Variants in C5orf47 observed in about 807,000 individuals in gnomAD.
C5orf47 encodes uncharacterized protein C5orf47.
A neutral mutation model predicts 20.6 loss-of-function variants in C5orf47; 20 were observed. That is an observed-to-expected ratio of 0.97 (90% CI 0.68 to 1.41). The LOEUF is 1.41. C5orf47 is among the 40% of genes most tolerant of loss of function. The pLI, the probability that C5orf47 is intolerant of heterozygous loss-of-function variation, is 0.00. For missense variants in C5orf47, 262 were observed against 238.4 expected (o/e 1.10, Z -0.65); for synonymous variants, 106 against 97.3 (o/e 1.09, Z -0.53).
At chr5:173,996,102 C>A (rs1759093028) in intron 1 of C5orf47, among the ~76,000 whole-genome samples, 1 of 152,156 alleles carries the variant, frequency 6.6e-6, no homozygotes, top group African/African-American at 2.4e-5. Context: ...ATGAGAGAAT[C>A]AGGGAAGGCT....
chr5:173,989,678 A>G (rs1373793803), intron 1 of C5orf47, 90 bp downstream of exon 1: 21 of 1,167,204 alleles, frequency 1.8e-5, no homozygotes, highest in Admixed American at 4.1e-5. Flanking sequence ...TGCGGCACGC[A>G]GGAGGCTGGG....
chr5:174,001,036 T>C (rs1407502387), intron 3 of C5orf47, among the ~76,000 whole-genome samples, 160 bp from the exon 4 acceptor site: 1 of 152,222 alleles, frequency 6.6e-6, no homozygotes, highest in Non-Finnish European at 1.5e-5. Context: ...TTCATTATTT[T>C]ACATTACAGT....
At chr5:174,006,414 A>G (rs143441358), downstream of C5orf47, among the ~76,000 whole-genome samples, 106 of 152,340 alleles carry the variant, frequency 7.0e-4, 1 homozygote, top group East Asian at 0.019. Flanking sequence ...AGAAGCGTCA[A>G]TACTTCAAAA....
At position 173,989,488 on chromosome 5, in the gene C5orf47, CAGG is replaced by C. The variant is rs1561645270; in HGVS notation, c.226_228del (p.Arg76del). 6.5e-7 allele frequency: 1 copy of C among 1,547,590 alleles called. No individual in the cohort carries two copies. Among genetic ancestry groups the C allele is most frequent in the East Asian group, 2.5e-5 (1 of 40,796 alleles). On this transcript the variant is annotated inframe_deletion, in exon 1 of 5. Coordinates refer to ENST00000340147, the MANE Select transcript of C5orf47 (RefSeq NM_001144954.2). The stretch of plus-strand genomic sequence containing the variant: ...GCGAGCTGCCCCTCGGTTCCCAGCT[CAGG>C]GTCCCCACGACCCCTGGTGTGGAGG...
chr5:173,994,726 G>A (rs1014118050), intron 1 of C5orf47, among the ~76,000 whole-genome samples: 1 of 152,216 alleles, frequency 6.6e-6, no homozygotes, highest in South Asian at 2.1e-4. Flanking sequence ...GTCAAGGGAA[G>A]GGGGTCCTGG....
intron 1 of C5orf47, among the ~76,000 whole-genome samples, chr5:173,994,128 A>G (rs546548495): frequency 2.6e-5 from 4 of 152,270 alleles, no homozygotes; most frequent in African/African-American, 7.2e-5. Context: ...TTGTGGCCCA[A>G]TTTGTGCAAC....
chr5:174,000,598 G>T (rs550673485), intron 3 of C5orf47, among the ~76,000 whole-genome samples: 2 of 151,966 alleles, frequency 1.3e-5, no homozygotes, highest in East Asian at 3.8e-4. Context: ...CAGTAAAATT[G>T]CAGTATTTAA....
intron 1 of C5orf47, among the ~76,000 whole-genome samples, chr5:173,997,605 C>G (rs762696496): frequency 2.6e-5 from 4 of 152,042 alleles, no homozygotes; most frequent in Non-Finnish European, 4.4e-5. Context: ...AAGGTGTTCT[C>G]AGATCCATGC....
intron 4 of C5orf47, among the ~76,000 whole-genome samples, chr5:174,002,725 A>G (rs1227922058): frequency 6.6e-6 from 1 of 152,036 alleles, no homozygotes; most frequent in Non-Finnish European, 1.5e-5. Flanking sequence ...TATAGCCTAC[A>G]TTTCACTTTT....
intron 1 of C5orf47, among the ~76,000 whole-genome samples, chr5:173,997,798 G>C (rs1459692057): frequency 1.3e-5 from 2 of 152,156 alleles, no homozygotes; most frequent in South Asian, 2.1e-4. Flanking sequence ...TGTAATGTCT[G>C]TCTGGAGTTG....
chr5:174,008,184 C>A (rs1241962283), downstream of C5orf47, among the ~76,000 whole-genome samples: 7 of 152,188 alleles, frequency 4.6e-5, no homozygotes, highest in African/African-American at 1.4e-4. Flanking sequence ...CTGCTCAAAT[C>A]TTGATTCCCT....
chr5:173,989,672 G>GCA, intron 1 of C5orf47, 84 bp downstream of exon 1: 1 of 1,183,480 alleles, frequency 8.4e-7, no homozygotes. Context: ...CCATCTTGCG[G>GCA]CACGCAGGAG....
intron 2 of C5orf47, among the ~76,000 whole-genome samples, chr5:173,999,114 C>A (rs1048511376): frequency 1.3e-5 from 2 of 151,944 alleles, no homozygotes; most frequent in Non-Finnish European, 2.9e-5. Flanking sequence ...TCTTATAATC[C>A]AATGTATGAA....
downstream of C5orf47, among the ~76,000 whole-genome samples, chr5:174,009,292 A>G (rs1759337466): frequency 6.8e-6 from 1 of 146,192 alleles, no homozygotes; most frequent in South Asian, 2.1e-4. Flanking sequence ...TGATTTTGCC[A>G]TCCTTCATCA....
At chr5:173,990,125 A>ATTTT (rs11292600) in intron 1 of C5orf47, among the ~76,000 whole-genome samples, 5 of 138,216 alleles carry the variant, frequency 3.6e-5, no homozygotes, top group Admixed American at 2.1e-4. Context: ...TAGGAAGCCA[A>ATTTT]TTTTTTTTTT....
chr5:173,992,492 T>A (rs1474874045), intron 1 of C5orf47, among the ~76,000 whole-genome samples: 2 of 152,176 alleles, frequency 1.3e-5, no homozygotes, highest in African/African-American at 2.4e-5. Flanking sequence ...CTTTTAATAT[T>A]ATTATTTCTT....
Position 173,999,754 on chromosome 5 carries a change from G to C in C5orf47, c.466G>C (p.Glu156Gln). The change falls in exon 3 of 5, where the codon GAA (glutamate) becomes CAA (glutamine). Residue 156 changes from glutamate (E) to glutamine (Q), a missense_variant. Transcript: ENST00000340147. ...KVISRMLEEN[E>Q]KYRHRLKCQR... ...CATTTCAAGAATGCTTGAAGAAAATGAAAAATATAGACACAGGCTGAAATG... is the reference window on the plus strand; with the variant it reads ...CATTTCAAGAATGCTTGAAGAAAATCAAAAATATAGACACAGGCTGAAATG... 1 of 1,534,934 alleles carries C rather than the reference G, an allele frequency of 6.5e-7. No homozygotes were observed. Among genetic ancestry groups the C allele is most frequent in the Non-Finnish European group, 8.8e-7 (1 of 1,135,420 alleles).
chr5:173,994,490 G>A (rs1581193631), intron 1 of C5orf47, among the ~76,000 whole-genome samples: 2 of 152,180 alleles, frequency 1.3e-5, no homozygotes, highest in Admixed American at 1.3e-4. Flanking sequence ...AGAGATTGGA[G>A]GCCAGAGAAC....
chr5:174,007,155 T>TA (rs1358781600), downstream of C5orf47, among the ~76,000 whole-genome samples: 5 of 151,748 alleles, frequency 3.3e-5, no homozygotes, highest in Admixed American at 1.3e-4. Flanking sequence ...GAGTAACTCT[T>TA]ACGTTGGATG....
Sources: gnomAD v4.1 joint callset for allele counts (sites outside exome capture counted in the v4.1 genomes callset) on GRCh38, gnomAD v4.1.1 for gene constraint, MANE v1.5 for transcripts, NCBI Gene and HGNC (gene_info 2026-07-23, HGNC 2026-07-21) for gene names.